SRGAP3: variants seen among roughly 807,000 people sequenced by gnomAD.
SRGAP3 encodes the protein SLIT-ROBO Rho GTPase-activating protein 3.
A neutral mutation model predicts 121.1 loss-of-function variants in SRGAP3; 39 were observed. The ratio of observed to expected loss-of-function variants is 0.32; its 90% CI spans 0.25 to 0.42. The LOEUF is 0.42. Ranked by LOEUF, SRGAP3 falls within the 10% of genes least tolerant of loss-of-function variation. The pLI is 1.00. For synonymous variants in SRGAP3, 601 were observed against 570.0 expected (o/e 1.05, Z -0.77); for missense variants, 1,213 against 1,470.6 (o/e 0.82, Z 2.86).
At chr3:9,255,341 C>T (rs1038595678) in intron 3 of SRGAP3, among the ~76,000 whole-genome samples, 1 of 152,224 alleles carries the variant, frequency 6.6e-6, no homozygotes, top group Non-Finnish European at 1.5e-5. Flanking sequence ...ACTGGAAACA[C>T]GGGCTCTAAC....
rs780105401 is a variant in SRGAP3, at chr3:8,992,959, G to C, written c.2505C>G (p.Leu835=). 6.2e-7 allele frequency: 1 copy of C among 1,614,110 alleles called. No individual in the cohort carries two copies. Among genetic ancestry groups the C allele is most frequent in the East Asian group, 2.2e-5 (1 of 44,886 alleles). The change falls in exon 20 of 22, where the codon CTC becomes CTG. Residue 835 remains leucine (L), a synonymous_variant. Transcript: ENST00000383836. ...LDDKASSKND[L]QSPTEHISDY... ...CCGAGATGTGCTCCGTGGGGGACTG[G>C]AGGTCGTTTTTGGAAGAGGCCTTGT...
At chr3:9,154,938 T>C (rs1950355004) in intron 1 of SRGAP3, among the ~76,000 whole-genome samples, 1 of 152,044 alleles carries the variant, frequency 6.6e-6, no homozygotes, top group Admixed American at 6.6e-5. Context: ...GTTATATAAA[T>C]TTGCAACCAA....
intron 3 of SRGAP3, among the ~76,000 whole-genome samples, chr3:9,284,071 C>T (rs529610625): frequency 4.6e-5 from 7 of 151,914 alleles, no homozygotes; most frequent in African/African-American, 1.7e-4. Context: ...TCCTTCGAAG[C>T]ACAAATCTTC....
At chr3:9,289,356 T>C (rs1201142882) in intron 3 of SRGAP3, among the ~76,000 whole-genome samples, 10 of 152,248 alleles carry the variant, frequency 6.6e-5, no homozygotes. Flanking sequence ...TCAATACTTG[T>C]TGCCTTGCTT....
Position 8,994,031 on chromosome 3 carries a change from A to C in SRGAP3, c.2408+312T>G, listed in dbSNP as rs1574863500. Reference sequence around the variant, plus strand: ...GGGGAGGCCTAGGAGGTGGAGGCACATGGCAGGATCCCCTGGATACTGAGA... The same window carrying C: ...GGGGAGGCCTAGGAGGTGGAGGCACCTGGCAGGATCCCCTGGATACTGAGA... On this transcript the variant is annotated intron_variant, in intron 19 of 21. Transcript: ENST00000383836. 7.0e-6 allele frequency: 3 copies of C among 428,536 alleles called. No individual in the cohort carries two copies. In the East Asian group the frequency reaches 1.5e-4, roughly 21 times the overall value. The allele number at this position is 428,536 out of a possible 1,614,324, so 26.5% of individuals were successfully genotyped here.
intron 8 of SRGAP3, among the ~76,000 whole-genome samples, chr3:9,055,179 C>A (rs1252975170): frequency 6.6e-6 from 1 of 152,244 alleles, no homozygotes; most frequent in Non-Finnish European, 1.5e-5. Context: ...GGGGACTGCA[C>A]TGATTTGCTA....
intron 1 of SRGAP3, among the ~76,000 whole-genome samples, chr3:9,231,845 T>C (rs188730207): frequency 7.9e-5 from 12 of 152,246 alleles, no homozygotes; most frequent in Admixed American, 5.2e-4. Context: ...CCCTTTAAGG[T>C]TGATAATGCC....
intron 1 of SRGAP3, among the ~76,000 whole-genome samples, chr3:9,340,611 C>G (rs1955769370): frequency 6.6e-6 from 1 of 152,208 alleles, no homozygotes; most frequent in South Asian, 2.1e-4. Context: ...CCTGATAGAC[C>G]TGAGTCATCC....
intron 1 of SRGAP3, among the ~76,000 whole-genome samples, chr3:9,146,548 C>A (rs1950029270): frequency 6.6e-6 from 1 of 152,222 alleles, no homozygotes; most frequent in Non-Finnish European, 1.5e-5. Context: ...TTACCCCTCA[C>A]CTGGTGAACT....
chr3:9,156,758 G>T (rs1249634579), intron 1 of SRGAP3, among the ~76,000 whole-genome samples: 1 of 152,160 alleles, frequency 6.6e-6, no homozygotes, highest in African/African-American at 2.4e-5. Flanking sequence ...GCACTGGCAG[G>T]GAAGCAAGAT....
intron 1 of SRGAP3, among the ~76,000 whole-genome samples, chr3:9,241,437 G>C (rs1228556231): frequency 6.6e-6 from 1 of 152,150 alleles, no homozygotes; most frequent in Non-Finnish European, 1.5e-5. Flanking sequence ...GACTGGGAGG[G>C]GCCTGGAAGG....
At chr3:9,007,617 A>C (rs1457601505) in intron 18 of SRGAP3, 1 of 152,214 alleles carries the variant, frequency 6.6e-6, no homozygotes, top group African/African-American at 2.4e-5. Flanking sequence ...TGTTTGATAC[A>C]GAGTCCATTG....
intron 1 of SRGAP3, among the ~76,000 whole-genome samples, chr3:9,355,042 G>A (rs1201308144): frequency 1.3e-5 from 2 of 152,114 alleles, no homozygotes; most frequent in African/African-American, 4.8e-5. Context: ...GAGCATATGT[G>A]CCCACTTGTA....
intron 1 of SRGAP3, among the ~76,000 whole-genome samples, chr3:9,361,886 A>C (rs978431120): frequency 1.3e-5 from 2 of 152,198 alleles, no homozygotes; most frequent in African/African-American, 4.8e-5. Context: ...TTTGAAGTCA[A>C]GCGGTAGAAA....
chr3:8,997,209 A>C (rs1942458916), intron 18 of SRGAP3, among the ~76,000 whole-genome samples: 1 of 152,114 alleles, frequency 6.6e-6, no homozygotes, highest in Non-Finnish European at 1.5e-5. Context: ...TCTGTTACCC[A>C]AGCTTACTTC....
chr3:9,216,179 T>C (rs1952614924), intron 1 of SRGAP3, among the ~76,000 whole-genome samples: 1 of 152,236 alleles, frequency 6.6e-6, no homozygotes, highest in Admixed American at 6.5e-5. Context: ...GGTCATTCTC[T>C]TATGCTTTCC....
At chr3:9,253,388 T>C (rs138564452), upstream of SRGAP3, among the ~76,000 whole-genome samples, 2 of 152,208 alleles carry the variant, frequency 1.3e-5, no homozygotes, top group South Asian at 2.1e-4. Context: ...GTTAAAAATA[T>C]AAGGAAAACA....
chr3:9,045,598 C>G (rs1945229536), intron 10 of SRGAP3, among the ~76,000 whole-genome samples: 1 of 151,984 alleles, frequency 6.6e-6, no homozygotes, highest in African/African-American at 2.4e-5. Flanking sequence ...AGCAAGCCCC[C>G]CCGGAGAATG....
At chr3:9,353,132 T>C (rs1032270930) in intron 1 of SRGAP3, among the ~76,000 whole-genome samples, 1 of 152,254 alleles carries the variant, frequency 6.6e-6, no homozygotes, top group Admixed American at 6.5e-5. Flanking sequence ...TTGCACTTCC[T>C]GCTTCCTGCA....
Sources: gnomAD v4.1 joint callset for allele counts (sites outside exome capture counted in the v4.1 genomes callset) on GRCh38, gnomAD v4.1.1 for gene constraint, MANE v1.5 for transcripts, NCBI Gene and HGNC (gene_info 2026-07-23, HGNC 2026-07-21) for gene names.